MEF2A: variants seen among roughly 807,000 people sequenced by gnomAD.
MEF2A encodes the protein myocyte enhancer factor 2A.
Under a neutral mutation model 55.8 loss-of-function variants are expected in MEF2A, and 28 were observed. The observed-to-expected ratio is 0.50, with a 90% CI of 0.37 to 0.69. MEF2A has a LOEUF of 0.69. Ranked by LOEUF, MEF2A falls within the 30% of genes least tolerant of loss-of-function variation. The pLI is 0.00. For missense variants in MEF2A, 528 were observed against 626.2 expected, an observed-to-expected ratio of 0.84 and a Z score of 1.67; for synonymous variants, 239 against 227.1, an observed-to-expected ratio of 1.05 and a Z score of -0.47.
intron 8 of MEF2A, among the ~76,000 whole-genome samples, chr15:99,693,120 A>T (rs1351488137): frequency 6.6e-6 from 1 of 152,234 alleles, no homozygotes; most frequent in East Asian, 1.9e-4. Flanking sequence ...GTAAGGCTCA[A>T]ACCCAGTCCA....
chr15:99,640,053 T>C (rs1471005812), intron 3 of MEF2A, among the ~76,000 whole-genome samples: 3 of 152,198 alleles, frequency 2.0e-5, no homozygotes, highest in East Asian at 3.8e-4. Context: ...TTTTTAAGTG[T>C]GTTAAGACTT....
At chr15:99,589,025 C>G (rs1173722076) in intron 1 of MEF2A, among the ~76,000 whole-genome samples, 2 of 152,100 alleles carry the variant, frequency 1.3e-5, no homozygotes, top group Non-Finnish European at 2.9e-5. Context: ...GTTTCTTTTA[C>G]TTGTGGTCCT....
chr15:99,636,975 T>G (rs1330143532), intron 3 of MEF2A, among the ~76,000 whole-genome samples: 1 of 152,208 alleles, frequency 6.6e-6, no homozygotes, highest in Non-Finnish European at 1.5e-5. Context: ...AGGGTTGCCT[T>G]TATCATGAGT....
chr15:99,669,739 C>CA (rs536719903), intron 4 of MEF2A, among the ~76,000 whole-genome samples: 1 of 151,952 alleles, frequency 6.6e-6, no homozygotes, highest in Non-Finnish European at 1.5e-5. Flanking sequence ...TTTGGAGAAT[C>CA]AAAAAAATTC....
chr15:99,655,602 C>G (rs1307334921), intron 4 of MEF2A, among the ~76,000 whole-genome samples: 1 of 151,896 alleles, frequency 6.6e-6, no homozygotes, highest in Admixed American at 6.6e-5. Context: ...TAAAACTAAA[C>G]TAAATTATCT....
At chr15:99,632,635 A>G (rs1054352566) in intron 2 of MEF2A, among the ~76,000 whole-genome samples, 1 of 152,166 alleles carries the variant, frequency 6.6e-6, no homozygotes, top group Non-Finnish European at 1.5e-5. Flanking sequence ...ATAGATTGCT[A>G]TTAGGATTGA....
intron 1 of MEF2A, among the ~76,000 whole-genome samples, chr15:99,584,451 A>G (rs995758162): frequency 6.6e-5 from 10 of 152,234 alleles, no homozygotes; most frequent in Admixed American, 3.9e-4. Context: ...AGTTGATGAA[A>G]GAATACATAA....
intron 2 of MEF2A, among the ~76,000 whole-genome samples, chr15:99,615,444 GTAACGGTAATAA>G (rs1315520075): frequency 6.6e-5 from 10 of 152,152 alleles, no homozygotes; most frequent in Non-Finnish European, 1.3e-4. Flanking sequence ...TTAATATTAA[GTAACGGTAATAA>G]TAATGGCCAA....
At chr15:99,565,539 CGCCCTGGG>C (rs1959165998), upstream of MEF2A, 2 of 151,242 alleles carry the variant, frequency 1.3e-5, no homozygotes, top group Admixed American at 1.3e-4. Context: ...CGGGCCGCCC[CGCCCTGGG>C]AGGCGCCCGG....
Position 99,576,002 on chromosome 15 carries a change from C to T in MEF2A, c.-225+9898C>T, listed in dbSNP as rs551322781. Reference sequence around the variant, plus strand: ...CATTTGTTGAGCACTTTCTTGCATTCGGGACCAGTAAGATATTCCAGGCTC... The same window carrying T: ...CATTTGTTGAGCACTTTCTTGCATTTGGGACCAGTAAGATATTCCAGGCTC... On this transcript the variant is annotated intron_variant, in intron 1 of 11. Coordinates refer to ENST00000557942, the MANE Select transcript of MEF2A (RefSeq NM_001319206.4). 1.9e-3 allele frequency among the ~76,000 whole-genome samples: 296 copies of T among 152,266 alleles called. 2 individuals are homozygous for T. Among genetic ancestry groups the T allele is most frequent in the African/African-American group, 6.9e-3 (285 of 41,540 alleles).
intron 1 of MEF2A, among the ~76,000 whole-genome samples, chr15:99,570,667 T>A (rs1334726776): frequency 6.6e-6 from 1 of 152,204 alleles, no homozygotes; most frequent in Non-Finnish European, 1.5e-5. Context: ...CTTTTGGGCT[T>A]AATAAAACAA....
chr15:99,616,181 ATAAT>A (rs993272980), intron 2 of MEF2A, among the ~76,000 whole-genome samples: 1 of 152,208 alleles, frequency 6.6e-6, no homozygotes, highest in African/African-American at 2.4e-5. Context: ...TTAAAAATAA[ATAAT>A]AGGTATTTTA....
At chr15:99,667,306 C>T (rs192134853) in intron 4 of MEF2A, among the ~76,000 whole-genome samples, 4 of 152,204 alleles carry the variant, frequency 2.6e-5, no homozygotes, top group East Asian at 1.9e-4. Context: ...CTGCAAGCTC[C>T]GCCTCCCGGG....
intron 7 of MEF2A, among the ~76,000 whole-genome samples, chr15:99,676,018 C>T (rs2439248): frequency 0.22 from 33,476 of 149,076 alleles, 4,382 homozygotes; most frequent in South Asian, 0.31. Context: ...CCAGCCTGGG[C>T]GATAGAGTGA....
At chr15:99,654,562 A>AAATC (rs1262222399) in intron 4 of MEF2A, among the ~76,000 whole-genome samples, 1 of 145,954 alleles carries the variant, frequency 6.9e-6, no homozygotes, top group Non-Finnish European at 1.5e-5. Flanking sequence ...ATAAATAAAT[A>AAATC]AAAATAAATT....
chr15:99,629,398 G>A (rs1416023722), intron 2 of MEF2A, among the ~76,000 whole-genome samples: 2 of 152,236 alleles, frequency 1.3e-5, no homozygotes, highest in African/African-American at 4.8e-5. Context: ...TATTCCTGAC[G>A]CAAGTCCTGC....
At chr15:99,622,660 G>A (rs1367617151) in intron 2 of MEF2A, among the ~76,000 whole-genome samples, 1 of 149,826 alleles carries the variant, frequency 6.7e-6, no homozygotes, top group East Asian at 1.9e-4. Flanking sequence ...CATTATTGCT[G>A]TACAGCCATC....
At chr15:99,673,013 G>A (rs1202945005) in intron 5 of MEF2A, among the ~76,000 whole-genome samples, 2 of 152,172 alleles carry the variant, frequency 1.3e-5, no homozygotes, top group African/African-American at 4.8e-5. Flanking sequence ...TTGTGTGAGG[G>A]AATCTGGGTG....
At chr15:99,700,833 A>C (rs530160194) in intron 8 of MEF2A, among the ~76,000 whole-genome samples, 2 of 152,346 alleles carry the variant, frequency 1.3e-5, no homozygotes, top group South Asian at 4.1e-4. Flanking sequence ...TTTGAGTAAC[A>C]AAATAACAAT....
Sources: allele counts gnomAD v4.1 joint callset (sites outside exome capture counted in the v4.1 genomes callset), GRCh38; gene constraint gnomAD v4.1.1; transcripts MANE v1.5; gene names NCBI Gene and HGNC (gene_info 2026-07-23, HGNC 2026-07-21).